PKNOX1: variants seen among roughly 807,000 people sequenced by gnomAD.
The protein encoded by PKNOX1 is homeobox protein PKNOX1.
PKNOX1 carries 15 observed loss-of-function variants against 51.9 expected under a neutral mutation model. The ratio of observed to expected loss-of-function variants is 0.29; its 90% CI spans 0.19 to 0.45. PKNOX1 has a LOEUF of 0.45. Among genes scored for constraint, PKNOX1 ranks in the 20% least tolerant of loss-of-function variants. PKNOX1 has a pLI of 1.00. For synonymous variants in PKNOX1, 219 were observed against 211.1 expected (o/e 1.04, Z -0.32); for missense variants, 462 against 547.5 (o/e 0.84, Z 1.56).
chr21:42,983,023 TG>T lies in PKNOX1; in HGVS notation c.-57+8361del, dbSNP rs1163634398. Among the ~76,000 whole-genome samples, 6 of 152,274 alleles carry T rather than the reference TG, an allele frequency of 3.9e-5. No homozygotes were observed. The East Asian group carries it at 1.2e-3, about 30-fold the overall frequency. On this transcript the variant is annotated intron_variant, in intron 1 of 10. Transcript: ENST00000291547. ...TGGAGTTTTACCATGTTGGCCAGGC[TG>T]GTCTCGAACTCCTGACCTCAGATGA...
chr21:43,004,888 T>G (rs1197130644), intron 2 of PKNOX1, among the ~76,000 whole-genome samples: 1 of 152,166 alleles, frequency 6.6e-6, no homozygotes, highest in Non-Finnish European at 1.5e-5. Flanking sequence ...GTGCTCTATC[T>G]TTGTACCTTG....
intron 1 of PKNOX1, among the ~76,000 whole-genome samples, chr21:42,974,998 A>G (rs1470086669): frequency 1.4e-5 from 2 of 144,740 alleles, no homozygotes; most frequent in East Asian, 4.1e-4. Flanking sequence ...GCCTGATCGA[A>G]GCGCGCGCTC....
intron 1 of PKNOX1, among the ~76,000 whole-genome samples, chr21:42,996,057 T>G (rs1300308528): frequency 6.6e-6 from 1 of 152,030 alleles, no homozygotes; most frequent in African/African-American, 2.4e-5. Flanking sequence ...CTACAGAAAT[T>G]TTTAAAAATT....
intron 7 of PKNOX1, among the ~76,000 whole-genome samples, chr21:43,020,811 A>G (rs1979717350): frequency 6.6e-6 from 1 of 152,230 alleles, no homozygotes; most frequent in Non-Finnish European, 1.5e-5. Context: ...GGTGGGTGAG[A>G]GGACCACGGC....
intron 5 of PKNOX1, among the ~76,000 whole-genome samples, chr21:43,014,153 CT>C (rs1979379445): frequency 6.6e-6 from 1 of 151,684 alleles, no homozygotes; most frequent in Non-Finnish European, 1.5e-5. Context: ...TCCTGAGTAG[CT>C]GGGACTACAG....
chr21:42,998,320 TC>T (rs1185770901), intron 1 of PKNOX1, among the ~76,000 whole-genome samples: 3 of 151,974 alleles, frequency 2.0e-5, no homozygotes, highest in African/African-American at 4.8e-5. Flanking sequence ...TTCAACTACC[TC>T]CCACCAGCTC....
chr21:42,983,128 G>C (rs1258618054), intron 1 of PKNOX1, among the ~76,000 whole-genome samples: 1 of 151,712 alleles, frequency 6.6e-6, no homozygotes, highest in East Asian at 1.9e-4. Context: ...CCAATTTTTT[G>C]TTATGGTAAA....
At chr21:43,028,973 TGTG>T in intron 10 of PKNOX1, 99 bp downstream of exon 10, 1 of 1,273,698 alleles carries the variant, frequency 7.9e-7, no homozygotes, top group Non-Finnish European at 1.1e-6. Context: ...CCTCAGGTAA[TGTG>T]GTGAACGAGA....
chr21:43,004,312 G>C lies in PKNOX1; in HGVS notation c.-56-14G>C. On this transcript the variant is annotated splice_polypyrimidine_tract_variant and intron_variant, in intron 1 of 10. Transcript: ENST00000291547. ...ACAACTATTAACTGATGCTTTTCTG[G>C]TTTTGTTCTCCAGACACCATTCGCT... 9.8e-7 allele frequency: 1 copy of C among 1,023,824 alleles called. No individual in the cohort carries two copies. The highest frequency in any genetic ancestry group is 1.3e-5 in the South Asian group (1 of 77,460). The allele number at this position is 1,023,824 out of a possible 1,614,324, so 63.4% of individuals were successfully genotyped here.
intron 10 of PKNOX1, among the ~76,000 whole-genome samples, 170 bp from the exon 11 acceptor site, chr21:43,029,720 C>T (rs941205883): frequency 5.3e-5 from 8 of 152,094 alleles, no homozygotes; most frequent in East Asian, 3.8e-4. Context: ...CATGAGCTAC[C>T]GCGCCCGGCC....
chr21:42,976,191 T>C (rs1231155112), intron 1 of PKNOX1, among the ~76,000 whole-genome samples: 1 of 152,232 alleles, frequency 6.6e-6, no homozygotes, highest in Non-Finnish European at 1.5e-5. Flanking sequence ...TTTCAGTGCA[T>C]ATGAAAGTTG....
chr21:42,978,130 C>T (rs1034778244), intron 1 of PKNOX1, among the ~76,000 whole-genome samples: 1 of 152,050 alleles, frequency 6.6e-6, no homozygotes, highest in South Asian at 2.1e-4. Context: ...CTCAACCTCC[C>T]GAGTAGCTGG....
chr21:42,978,922 C>T (rs35107202), intron 1 of PKNOX1, among the ~76,000 whole-genome samples: 5,792 of 152,262 alleles, frequency 0.038, 140 homozygotes, highest in Middle Eastern at 0.061. Context: ...TTTTGAGAGA[C>T]AGGGTCTCAT....
At position 43,009,275 on chromosome 21, in the gene PKNOX1, C is replaced by T. The variant is rs1601291131; in HGVS notation, c.180-778C>T. Among the ~76,000 whole-genome samples, 7 of 28,112 alleles carry T rather than the reference C, an allele frequency of 2.5e-4. 1 individual carries two copies. The highest frequency in any genetic ancestry group is 1.1e-3 in the African/African-American group (7 of 6,496). The allele number at this position is 28,112 out of a possible 152,430, so 18.4% of individuals were successfully genotyped here. A position where few individuals can be genotyped will look rare whatever the true frequency, so the allele number is the denominator to read the frequency against. On this transcript the variant is annotated intron_variant, in intron 3 of 10. Transcript: ENST00000291547. ...CCATCCTGACCAACGTGGAGAAACC[C>T]TGTCTCTAAAGATACAAAATTAGCC...
intron 1 of PKNOX1, among the ~76,000 whole-genome samples, chr21:42,986,161 T>A (rs1389830928): frequency 6.6e-6 from 1 of 152,224 alleles, no homozygotes; most frequent in Non-Finnish European, 1.5e-5. Flanking sequence ...TCTATGATTT[T>A]ATTTGAATAT....
intron 1 of PKNOX1, among the ~76,000 whole-genome samples, chr21:43,001,191 A>T (rs751528026): frequency 2.6e-5 from 4 of 152,246 alleles, no homozygotes; most frequent in African/African-American, 9.6e-5. Flanking sequence ...TGTTTTCCTC[A>T]TATTTTAATT....
chr21:42,983,687 T>G (rs371022565), intron 1 of PKNOX1, among the ~76,000 whole-genome samples: 5 of 152,338 alleles, frequency 3.3e-5, no homozygotes. Context: ...AATTCTGTTT[T>G]TAATTTTTTA....
intron 3 of PKNOX1, among the ~76,000 whole-genome samples, chr21:43,009,528 T>G (rs1365501409): frequency 7.3e-6 from 1 of 136,476 alleles, no homozygotes; most frequent in Non-Finnish European, 1.5e-5. Context: ...GAGAATCGCT[T>G]AAACCTGGGA....
Position 43,032,842 on chromosome 21 carries a change from TG to T in PKNOX1, c.*2744del, listed in dbSNP as rs1372223854. 4 of 152,244 alleles carry T rather than the reference TG, an allele frequency of 2.6e-5. No homozygotes were observed. Among genetic ancestry groups the T allele is most frequent in the African/African-American group, 9.6e-5 (4 of 41,456 alleles). The allele number at this position is 152,244 out of a possible 1,614,324, so 9.4% of individuals were successfully genotyped here. A position where few individuals can be genotyped will look rare whatever the true frequency, so the allele number is the denominator to read the frequency against. On this transcript the variant is annotated 3_prime_UTR_variant, in exon 11 of 11. Transcript: ENST00000291547. ...TGAGTTTCCTTTAACCTCTCTGCAA[TG>T]GGTGCTTTTAACTAGCTTCTACATG...
Sources: allele counts gnomAD v4.1 joint callset (sites outside exome capture counted in the v4.1 genomes callset), GRCh38; gene constraint gnomAD v4.1.1; transcripts MANE v1.5; gene names NCBI Gene and HGNC (gene_info 2026-07-23, HGNC 2026-07-21).